GOPC: variants seen among roughly 807,000 people sequenced by gnomAD.
The protein encoded by GOPC is golgi associated PDZ and coiled-coil motif containing.
In GOPC, 32 loss-of-function variants were observed where a neutral mutation model predicts 51.2. The ratio of observed to expected loss-of-function variants is 0.63; its 90% CI spans 0.47 to 0.84. GOPC has a LOEUF of 0.84. Among genes scored for constraint, GOPC ranks in the 40% least tolerant of loss-of-function variants. GOPC has a pLI of 0.00. For missense variants in GOPC, 441 were observed against 555.5 expected (o/e 0.79, Z 2.07); for synonymous variants, 190 against 205.1 (o/e 0.93, Z 0.63).
At chr6:117,597,989 T>C (rs1442320807) in intron 1 of GOPC, among the ~76,000 whole-genome samples, 3 of 151,816 alleles carry the variant, frequency 2.0e-5, no homozygotes, top group Non-Finnish European at 4.4e-5. Context: ...ATGGATGAGC[T>C]TGGAGGACAT....
At chr6:117,596,921 A>T (rs9489225) in intron 1 of GOPC, among the ~76,000 whole-genome samples, 2,394 of 152,238 alleles carry the variant, frequency 0.016, 50 homozygotes, top group African/African-American at 0.055. Context: ...AGTTCTGTGA[A>T]GAATGATGGT....
At chr6:117,593,594 A>G (rs1255354041) in intron 1 of GOPC, among the ~76,000 whole-genome samples, 2 of 152,168 alleles carry the variant, frequency 1.3e-5, no homozygotes, top group African/African-American at 4.8e-5. Context: ...CTAGCTCCGT[A>G]GCCTCAGGCC....
chr6:117,582,239 T>C (rs1340259888), intron 1 of GOPC, among the ~76,000 whole-genome samples: 1 of 149,318 alleles, frequency 6.7e-6, no homozygotes, highest in Non-Finnish European at 1.5e-5. Flanking sequence ...TCTCTCTCTC[T>C]CACTCTCTCC....
intron 7 of GOPC, among the ~76,000 whole-genome samples, chr6:117,569,162 C>T (rs189258383): frequency 2.7e-4 from 41 of 152,242 alleles, no homozygotes; most frequent in Middle Eastern, 3.4e-3. Flanking sequence ...TTTAATATTC[C>T]ATGACTAAAA....
chr6:117,585,492 A>T (rs191396407), intron 1 of GOPC, among the ~76,000 whole-genome samples: 1 of 152,308 alleles, frequency 6.6e-6, no homozygotes, highest in African/African-American at 2.4e-5. Flanking sequence ...AAGTTTTAGA[A>T]GGTCCAAGCT....
At chr6:117,584,439 C>T (rs140928004) in intron 1 of GOPC, among the ~76,000 whole-genome samples, 1 of 152,252 alleles carries the variant, frequency 6.6e-6, no homozygotes, top group African/African-American at 2.4e-5. Flanking sequence ...TTTTTAGGTT[C>T]AATTAGTTTG....
intron 1 of GOPC, among the ~76,000 whole-genome samples, chr6:117,598,196 T>TAAAA (rs532086597): frequency 1.6e-5 from 2 of 126,608 alleles, no homozygotes; most frequent in African/African-American, 6.1e-5. Flanking sequence ...CCATCTCTAC[T>TAAAA]AAAAAAAAAA....
At chr6:117,600,453 A>G (rs1771980572) in intron 1 of GOPC, among the ~76,000 whole-genome samples, 1 of 152,168 alleles carries the variant, frequency 6.6e-6, no homozygotes, top group Admixed American at 6.5e-5. Context: ...AATTTGGGGG[A>G]CACATTCGAA....
intron 1 of GOPC, among the ~76,000 whole-genome samples, chr6:117,591,945 A>T (rs1562147317): frequency 6.6e-6 from 1 of 152,242 alleles, no homozygotes; most frequent in Non-Finnish European, 1.5e-5. Context: ...ACCCGAGAAG[A>T]ATAAGGACCT....
intron 3 of GOPC, among the ~76,000 whole-genome samples, chr6:117,576,489 G>A (rs1779882521): frequency 1.3e-5 from 2 of 152,070 alleles, no homozygotes; most frequent in Admixed American, 6.5e-5. Flanking sequence ...CTTATGACAT[G>A]TTAAAGTTGA....
chr6:117,567,270 CAT>C (rs1562137942), intron 7 of GOPC, among the ~76,000 whole-genome samples: 1 of 152,082 alleles, frequency 6.6e-6, no homozygotes, highest in Non-Finnish European at 1.5e-5. Context: ...TTCTACTGAC[CAT>C]AGTCTTTTTG....
At chr6:117,585,958 A>G (rs1300151797) in intron 1 of GOPC, among the ~76,000 whole-genome samples, 1 of 152,280 alleles carries the variant, frequency 6.6e-6, no homozygotes, top group Non-Finnish European at 1.5e-5. Context: ...AATGAACTAT[A>G]GCACAAAAAG....
intron 1 of GOPC, among the ~76,000 whole-genome samples, chr6:117,580,271 G>A (rs1017340158): frequency 6.6e-6 from 1 of 152,080 alleles, no homozygotes; most frequent in Non-Finnish European, 1.5e-5. Context: ...TTAAGTATCT[G>A]TAAAGTTGAA....
At chr6:117,598,196 TA>T (rs532086597) in intron 1 of GOPC, among the ~76,000 whole-genome samples, 8,667 of 126,486 alleles carry the variant, frequency 0.069, 354 homozygotes, top group South Asian at 0.16. Flanking sequence ...CCATCTCTAC[TA>T]AAAAAAAAAA....
chr6:117,602,090 G>T lies in GOPC; in HGVS notation c.199C>A (p.Arg67=). The T allele has an allele frequency of 6.2e-7, 1 of 1,614,078 alleles. No homozygotes were observed. Among genetic ancestry groups the T allele is most frequent in the Non-Finnish European group, 8.5e-7 (1 of 1,180,016 alleles). ...PDQADITYEG[R]QKMTSLSSCF... ...GAGCTCAGGCTGGTCATCTTCTGTC[G>T]CCCCTCATAAGTGATGTCCGCTTGG... is the stretch of plus-strand genomic sequence containing the variant. Residue 67 remains arginine (R), a synonymous_variant, in exon 1 of 9, where the codon CGA becomes AGA. Transcript: ENST00000368498.
At chr6:117,595,021 A>G (rs1583065180) in intron 1 of GOPC, among the ~76,000 whole-genome samples, 1 of 152,204 alleles carries the variant, frequency 6.6e-6, no homozygotes, top group Non-Finnish European at 1.5e-5. Flanking sequence ...CTGAGCCAAA[A>G]TGAGGACAGC....
At chr6:117,581,341 C>A (rs1779954706) in intron 1 of GOPC, among the ~76,000 whole-genome samples, 1 of 152,026 alleles carries the variant, frequency 6.6e-6, no homozygotes, top group South Asian at 2.1e-4. Flanking sequence ...AGATCACTCC[C>A]TATTAATAAA....
At chr6:117,596,818 C>T (rs888117891) in intron 1 of GOPC, among the ~76,000 whole-genome samples, 1 of 151,996 alleles carries the variant, frequency 6.6e-6, no homozygotes, top group Non-Finnish European at 1.5e-5. Context: ...AGTCAGGTAA[C>T]CTAATGCCTC....
intron 5 of GOPC, among the ~76,000 whole-genome samples, chr6:117,572,876 C>A (rs950892544): frequency 2.0e-5 from 3 of 152,166 alleles, no homozygotes; most frequent in African/African-American, 7.2e-5. Flanking sequence ...GATATGTGAA[C>A]CCTTGGGAGA....
Sources: allele counts gnomAD v4.1 joint callset (sites outside exome capture counted in the v4.1 genomes callset), GRCh38; gene constraint gnomAD v4.1.1; transcripts MANE v1.5; gene names NCBI Gene and HGNC (gene_info 2026-07-23, HGNC 2026-07-21).